The following ERCC1 variants were observed in gnomAD, a reference collection of about 807,000 sequenced individuals.
ERCC1 encodes DNA excision repair protein ERCC-1.
ERCC1 carries 36 observed loss-of-function variants against 37.6 expected under a neutral mutation model. That is an observed-to-expected ratio of 0.96 (90% confidence interval 0.73 to 1.26). ERCC1 has a LOEUF of 1.26. Ranked by LOEUF, ERCC1 falls within the 50% of genes most tolerant of loss-of-function variation. The pLI is 0.00. For missense variants in ERCC1, 349 were observed against 376.5 expected, an observed-to-expected ratio of 0.93 and a Z score of 0.60; for synonymous variants, 156 against 162.1, an observed-to-expected ratio of 0.96 and a Z score of 0.28.
intron 9 of ERCC1, 128 bp downstream of exon 9, chr19:45,413,549 T>C: frequency 6.2e-7 from 1 of 1,610,962 alleles, no homozygotes; most frequent in Admixed American, 1.7e-5. Context: ...ATGTTGGGAT[T>C]ACAGGCGGAA....
chr19:45,418,034 C>G (rs936757916), intron 5 of ERCC1, among the ~76,000 whole-genome samples: 21 of 151,914 alleles, frequency 1.4e-4, no homozygotes, highest in African/African-American at 4.8e-4. Flanking sequence ...CAAGACCAGA[C>G]TGGGTAACAT....
chr19:45,430,496 C>G (rs776306366), intron 1 of ERCC1, among the ~76,000 whole-genome samples: 4 of 152,254 alleles, frequency 2.6e-5, no homozygotes, highest in Middle Eastern at 3.4e-3. Flanking sequence ...CAAAGGTGTT[C>G]GGTTTCCAGC....
At chr19:45,433,055 G>A (rs1974875279) in intron 1 of ERCC1, among the ~76,000 whole-genome samples, 1 of 151,994 alleles carries the variant, frequency 6.6e-6, no homozygotes, top group African/African-American at 2.4e-5. Context: ...ACTCCAGCCT[G>A]GGCAACAAGA....
chr19:45,444,363 C>G (rs1347265741), intron 1 of ERCC1, among the ~76,000 whole-genome samples: 1 of 150,856 alleles, frequency 6.6e-6, no homozygotes, highest in Non-Finnish European at 1.5e-5. Flanking sequence ...CGCGCTCCCA[C>G]GCCCGGCGCG....
intron 1 of ERCC1, among the ~76,000 whole-genome samples, chr19:45,445,011 T>TTTG (rs925939352): frequency 2.0e-5 from 3 of 152,034 alleles, no homozygotes; most frequent in Non-Finnish European, 2.9e-5. Flanking sequence ...CAACCGATTT[T>TTTG]TTGTTGTTGT....
chr19:45,437,430 G>A (rs1030549944), intron 1 of ERCC1, among the ~76,000 whole-genome samples: 5 of 152,128 alleles, frequency 3.3e-5, no homozygotes, highest in African/African-American at 1.2e-4. Flanking sequence ...GGTCACAATA[G>A]CCAAGATATG....
At chr19:45,451,472 T>C (rs1294511175) in intron 1 of ERCC1, among the ~76,000 whole-genome samples, 2 of 152,158 alleles carry the variant, frequency 1.3e-5, no homozygotes, top group African/African-American at 2.4e-5. Flanking sequence ...TGGGGTTCTC[T>C]TGCCTGTCTT....
intron 5 of ERCC1, 75 bp from the exon 6 acceptor site, chr19:45,416,972 C>T: frequency 9.3e-7 from 1 of 1,071,748 alleles, no homozygotes; most frequent in Non-Finnish European, 1.4e-6. Flanking sequence ...TGGCAGGTGC[C>T]TGTAATCCCA....
intron 5 of ERCC1, among the ~76,000 whole-genome samples, chr19:45,417,792 C>T (rs1248884287): frequency 3.9e-5 from 6 of 152,082 alleles, no homozygotes; most frequent in African/African-American, 1.4e-4. Context: ...CTCCACCTCC[C>T]GGGTTCAAGC....
rs112357624 is a variant in ERCC1 at position 45,441,818 on chromosome 19, C to T, written c.-7-18437G>A. On this transcript the variant is annotated intron_variant, in intron 1 of 8. Coordinates refer to the ERCC1 transcript ENST00000423698. ...TCAGCCTCCCAAGTAGCTGGGACTACAGGCCAGGCGCATGCCACCACGCCC... is the reference window on the plus strand; with the variant it reads ...TCAGCCTCCCAAGTAGCTGGGACTATAGGCCAGGCGCATGCCACCACGCCC... Among the ~76,000 whole-genome samples the T allele has an allele frequency of 5.6e-3, 842 of 151,618 alleles. 9 individuals carry two copies. The highest frequency in any genetic ancestry group is 0.019 in the African/African-American group (794 of 41,322).
chr19:45,420,371 T>A lies in ERCC1; in HGVS notation c.378A>T (p.Val126=), dbSNP rs2123512125. 6.2e-7 allele frequency: 1 copy of A among 1,613,936 alleles called. No individual in the cohort carries two copies. Among genetic ancestry groups the A allele is most frequent in the East Asian group, 2.2e-5 (1 of 44,878 alleles). The change falls in exon 4 of 10, where the codon GTA becomes GTT. Residue 126 remains valine (V), a synonymous_variant. Coordinates refer to ENST00000300853, the MANE Select transcript of ERCC1 (RefSeq NM_001983.4). The surrounding 1 kb of genome is among the most constrained non-coding windows in gnomAD (Gnocchi z 4.8). ...TCTGGCCCAGCACATAGTCGGGAAT[T>A]ACGTCGCCAAATTCCCAGGGCACAT... ...VRNVPWEFGD[V]IPDYVLGQST...
intron 6 of ERCC1, 121 bp downstream of exon 6, chr19:45,416,700 A>G (rs1160970988): frequency 1.2e-5 from 9 of 732,270 alleles, no homozygotes; most frequent in Non-Finnish European, 2.2e-5. Context: ...GGCCAGAGAG[A>G]GGCAGTGCCT....
chr19:45,418,923 A>G lies in ERCC1; in HGVS notation c.525+175T>C, dbSNP rs536020708. ...GGATGTGGGGAAAGAGGAAATAGAC[A>G]ATTTTGCCCTCCCCTCTCCTTGCCA... On this transcript the variant is annotated intron_variant, in intron 5 of 9. Coordinates refer to ENST00000300853, the MANE Select transcript of ERCC1 (RefSeq NM_001983.4). Among the ~76,000 whole-genome samples the G allele has an allele frequency of 4.6e-5, 7 of 152,184 alleles. No homozygotes were observed. The East Asian group carries it at 1.4e-3, about 29-fold the overall frequency.
chr19:45,433,770 A>G (rs1974896188), intron 1 of ERCC1, among the ~76,000 whole-genome samples: 1 of 151,998 alleles, frequency 6.6e-6, no homozygotes, highest in Admixed American at 6.6e-5. Context: ...GTGGAACATC[A>G]TTTTAACTTT....
chr19:45,442,490 C>T (rs1222907911), intron 1 of ERCC1, among the ~76,000 whole-genome samples: 1 of 152,114 alleles, frequency 6.6e-6, no homozygotes, highest in Non-Finnish European at 1.5e-5. Flanking sequence ...ATGCAAAGCC[C>T]ATCACAGAAA....
At chr19:45,443,543 G>T (rs1975174824) in intron 1 of ERCC1, among the ~76,000 whole-genome samples, 1 of 152,178 alleles carries the variant, frequency 6.6e-6, no homozygotes, top group South Asian at 2.1e-4. Flanking sequence ...GCTCCCCCAG[G>T]ATCCCGACCC....
intron 9 of ERCC1, among the ~76,000 whole-genome samples, chr19:45,412,411 G>A (rs530707417): frequency 6.8e-4 from 103 of 151,972 alleles, no homozygotes; most frequent in Non-Finnish European, 1.1e-3. Context: ...TGCCCGCCTC[G>A]GCCTCCCAAA....
rs3212957 is a variant in ERCC1, at chr19:45,419,606, T to C, written c.426-409A>G. 3.3e-3 allele frequency: 920 copies of C among 276,112 alleles called. 9 individuals carry two copies. Among genetic ancestry groups the C allele is most frequent in the African/African-American group, 0.019 (858 of 45,986 alleles). The allele number at this position is 276,112 out of a possible 1,614,324, so 17.1% of individuals were successfully genotyped here. A position where few individuals can be genotyped will look rare whatever the true frequency, so the allele number is the denominator to read the frequency against. The stretch of plus-strand genomic sequence containing the variant: ...GTGAGGGCTTCATGACCCAGGGAAC[T>C]AGGACTGGCTCTGCCCAGCAGTCTG... On this transcript the variant is annotated intron_variant, in intron 4 of 9. Transcript: ENST00000300853.
chr19:45,433,844 G>A (rs973831937), intron 1 of ERCC1, among the ~76,000 whole-genome samples: 30 of 151,734 alleles, frequency 2.0e-4, no homozygotes, highest in African/African-American at 7.0e-4. Context: ...CATTTAAGGA[G>A]AGACCTGGCT....
Sources: allele counts gnomAD v4.1 joint callset (sites outside exome capture counted in the v4.1 genomes callset), GRCh38; gene constraint gnomAD v4.1.1; non-coding constraint Gnocchi (gnomAD v3.1); transcripts MANE v1.5; gene names NCBI Gene and HGNC (gene_info 2026-07-23, HGNC 2026-07-21).